Variants in PKHD1 observed in about 807,000 individuals in gnomAD.
The protein encoded by PKHD1 is PKHD1 ciliary IPT domain containing fibrocystin/polyductin.
Under a neutral mutation model 412.0 loss-of-function variants are expected in PKHD1, and 291 were observed. The ratio of observed to expected loss-of-function variants is 0.71; its 90% CI spans 0.64 to 0.78. The LOEUF is 0.78. Ranked by LOEUF, PKHD1 falls within the 30% of genes least tolerant of loss-of-function variation. PKHD1 has a pLI of 0.00. For missense variants in PKHD1, 4,825 were observed against 4,950.7 expected, an observed-to-expected ratio of 0.97 and a Z score of 0.76; for synonymous variants, 1,777 against 1,821.5, an observed-to-expected ratio of 0.98 and a Z score of 0.62.
chr6:51,890,729 G>A (rs763020555), intron 43 of PKHD1, among the ~76,000 whole-genome samples: 2 of 152,146 alleles, frequency 1.3e-5, no homozygotes, highest in African/African-American at 2.4e-5. Context: ...ACAGCTTAGC[G>A]TGCACAGAGA....
chr6:51,686,869 CACTT>C (rs1777513548), intron 60 of PKHD1, among the ~76,000 whole-genome samples: 1 of 152,164 alleles, frequency 6.6e-6, no homozygotes, highest in African/African-American at 2.4e-5. Flanking sequence ...ATGATCTACT[CACTT>C]GCATGTTTGA....
rs1265784700 is a variant in PKHD1, at chr6:51,628,883, C to T, written c.11666-1767G>A. Among the ~76,000 whole-genome samples, 4 of 152,248 alleles carry T rather than the reference C, an allele frequency of 2.6e-5. No homozygotes were observed. In the South Asian group the frequency reaches 6.2e-4, roughly 24 times the overall value. ...ATAATAGAGACATAGACCAATGGAA[C>T]AGGTGAGAGAACTCAATAATGAAGC... On this transcript the variant is annotated intron_variant, in intron 65 of 66. Coordinates refer to ENST00000371117, the MANE Select transcript of PKHD1 (RefSeq NM_138694.4).
intron 52 of PKHD1, among the ~76,000 whole-genome samples, chr6:51,794,266 A>T (rs1382359194): frequency 6.6e-6 from 1 of 151,762 alleles, no homozygotes; most frequent in African/African-American, 2.4e-5. Context: ...TTTGATTTGC[A>T]TTTCTCTAAT....
At chr6:51,897,029 A>C (rs1357352426) in intron 43 of PKHD1, among the ~76,000 whole-genome samples, 15 of 148,998 alleles carry the variant, frequency 1.0e-4, no homozygotes, top group Non-Finnish European at 2.1e-4. Context: ...GACCAAATCT[A>C]CGTCTGATTG....
At chr6:51,697,880 T>C (rs898454695) in intron 60 of PKHD1, among the ~76,000 whole-genome samples, 1 of 152,234 alleles carries the variant, frequency 6.6e-6, no homozygotes, top group African/African-American at 2.4e-5. Context: ...ATTTACTTTT[T>C]TTAAATCCTC....
chr6:52,080,195 CA>C (rs200536402), intron 4 of PKHD1, among the ~76,000 whole-genome samples, 187 bp from the exon 5 acceptor site: 2 of 151,614 alleles, frequency 1.3e-5, no homozygotes, highest in Admixed American at 6.6e-5. Context: ...GGTCCTTCAG[CA>C]AAAAAAAGTT....
intron 50 of PKHD1, among the ~76,000 whole-genome samples, chr6:51,842,070 C>T (rs1259215148): frequency 6.6e-6 from 1 of 152,220 alleles, no homozygotes; most frequent in Non-Finnish European, 1.5e-5. Flanking sequence ...CATGCACAGC[C>T]CTCTTGCCCT....
intron 60 of PKHD1, among the ~76,000 whole-genome samples, chr6:51,743,007 C>A (rs189366415): frequency 4.6e-5 from 7 of 151,856 alleles, no homozygotes; most frequent in African/African-American, 1.7e-4. Context: ...CCATGTTAAA[C>A]GAAAAATAAG....
At position 52,072,207 on chromosome 6, in the gene PKHD1, T is replaced by A. The variant is rs200804428; in HGVS notation, c.528-18A>T. On this transcript the variant is annotated intron_variant, in intron 7 of 66. Transcript: ENST00000371117. Reference sequence around the variant, plus strand: ...TCACTGGGCTGGATTTAAAAAAAAATGAAAACAAAAGACAAGAGATAATTG... The same window carrying A: ...TCACTGGGCTGGATTTAAAAAAAAAAGAAAACAAAAGACAAGAGATAATTG... 494 of 1,512,504 alleles carry A rather than the reference T, an allele frequency of 3.3e-4. 2 individuals are homozygous for A. In the Middle Eastern group the frequency reaches 4.3e-3, roughly 13 times the overall value. The allele number at this position is 1,512,504 out of a possible 1,614,324, so 93.7% of individuals were successfully genotyped here.
At chr6:51,635,698 T>C (rs1384129985) in intron 64 of PKHD1, among the ~76,000 whole-genome samples, 1 of 151,890 alleles carries the variant, frequency 6.6e-6, no homozygotes, top group East Asian at 1.9e-4. Flanking sequence ...GGGGATGGTA[T>C]AGACTGAGTG....
chr6:51,699,783 T>C (rs897592011), intron 60 of PKHD1, among the ~76,000 whole-genome samples: 2 of 152,144 alleles, frequency 1.3e-5, no homozygotes, highest in South Asian at 2.1e-4. Flanking sequence ...GTGCTAACTA[T>C]AAAATGTGCT....
At chr6:51,657,561 A>C (rs1253776113) in intron 61 of PKHD1, among the ~76,000 whole-genome samples, 2 of 152,196 alleles carry the variant, frequency 1.3e-5, no homozygotes, top group Non-Finnish European at 2.9e-5. Context: ...TATATTATAC[A>C]CTTTGAACTG....
intron 7 of PKHD1, among the ~76,000 whole-genome samples, chr6:52,072,755 T>C (rs1562286700): frequency 6.6e-6 from 1 of 152,124 alleles, no homozygotes; most frequent in Non-Finnish European, 1.5e-5. Context: ...AAGGAAAAAT[T>C]AGACACCATG....
At chr6:51,883,774 A>G (rs527433472) in intron 45 of PKHD1, among the ~76,000 whole-genome samples, 1 of 152,304 alleles carries the variant, frequency 6.6e-6, no homozygotes, top group African/African-American at 2.4e-5. Flanking sequence ...CTATGGTTTA[A>G]GCCTGTCCCC....
rs553396036 is a variant in PKHD1 at position 52,075,888 on chromosome 6, C to A, written c.448+388G>T. 7.2e-5 allele frequency among the ~76,000 whole-genome samples: 11 copies of A among 151,952 alleles called. 1 individual carries two copies. Among genetic ancestry groups the A allele is most frequent in the Non-Finnish European group, 1.2e-4 (8 of 68,006 alleles). ...TAGCTCTTCTATTATCAGGTTTTGG[C>A]GAGGATCTAGTAAGATATCTGAAGA... is the stretch of plus-strand genomic sequence containing the variant. On this transcript the variant is annotated intron_variant, in intron 6 of 66. Coordinates refer to ENST00000371117, the MANE Select transcript of PKHD1 (RefSeq NM_138694.4).
chr6:51,748,918 T>C (rs778919602), intron 57 of PKHD1, among the ~76,000 whole-genome samples: 2 of 152,046 alleles, frequency 1.3e-5, no homozygotes, highest in African/African-American at 2.4e-5. Context: ...AGAGGAGAAA[T>C]AGGAAAGAGG....
chr6:51,976,113 A>T (rs1349539316), intron 35 of PKHD1, among the ~76,000 whole-genome samples: 2 of 152,170 alleles, frequency 1.3e-5, no homozygotes, highest in African/African-American at 4.8e-5. Flanking sequence ...TCAAAAAATT[A>T]CATAGATTAT....
intron 37 of PKHD1, among the ~76,000 whole-genome samples, chr6:51,917,655 C>T (rs1200185421): frequency 6.6e-6 from 1 of 152,056 alleles, no homozygotes; most frequent in Non-Finnish European, 1.5e-5. Flanking sequence ...GAAGCGTACC[C>T]TAGGCAACGA....
rs541241501 is a variant in PKHD1 at position 51,950,318 on chromosome 6, C to T, written c.5908+9552G>A. Among the ~76,000 whole-genome samples the T allele has an allele frequency of 1.4e-4, 21 of 150,998 alleles. 2 individuals are homozygous for T. In the East Asian group the frequency reaches 2.7e-3, roughly 20 times the overall value. On this transcript the variant is annotated intron_variant, in intron 36 of 66. Transcript: ENST00000371117. Reference sequence around the variant, plus strand: ...TTTTCATCAACTCAGATTTCCCTGGCGGGGTAGGGACCTGTGCATCCAACT... The same window carrying T: ...TTTTCATCAACTCAGATTTCCCTGGTGGGGTAGGGACCTGTGCATCCAACT...
Sources: allele counts gnomAD v4.1 joint callset (sites outside exome capture counted in the v4.1 genomes callset), GRCh38; gene constraint gnomAD v4.1.1; transcripts MANE v1.5; gene names NCBI Gene and HGNC (gene_info 2026-07-23, HGNC 2026-07-21).